The following ATP9B variants were observed in gnomAD, a reference collection of about 807,000 sequenced individuals.
ATP9B encodes the protein probable phospholipid-transporting ATPase IIB.
ATP9B carries 110 observed loss-of-function variants against 146.1 expected under a neutral mutation model. The ratio of observed to expected loss-of-function variants is 0.75; its 90% CI spans 0.65 to 0.88. The LOEUF (loss-of-function observed/expected upper bound fraction) is 0.88, where lower values mean the gene tolerates loss of function less well. Among genes scored for constraint, ATP9B ranks in the 40% least tolerant of loss-of-function variants. ATP9B has a pLI of 0.00. For synonymous variants in ATP9B, 604 were observed against 569.7 expected (o/e 1.06, Z -0.86); for missense variants, 1,499 against 1,496.4 (o/e 1.00, Z -0.03).
chr18:79,277,741 G>C (rs1477995608), intron 13 of ATP9B, among the ~76,000 whole-genome samples: 1 of 152,006 alleles, frequency 6.6e-6, no homozygotes, highest in African/African-American at 2.4e-5. Flanking sequence ...ATCCGTAACA[G>C]ATTAAAGACA....
intron 7 of ATP9B, chr18:79,174,344 A>T (rs1262904190): frequency 1.1e-5 from 2 of 179,928 alleles, no homozygotes; most frequent in Non-Finnish European, 2.4e-5. Flanking sequence ...AATCCTGTGT[A>T]TAATTTGATT....
intron 11 of ATP9B, among the ~76,000 whole-genome samples, chr18:79,224,639 C>T (rs553150899): frequency 1.3e-5 from 2 of 152,340 alleles, no homozygotes; most frequent in East Asian, 3.9e-4. Flanking sequence ...ACCTTCAAGC[C>T]AGCAGCCAGC....
At chr18:79,359,141 C>T (rs534304781) in intron 25 of ATP9B, among the ~76,000 whole-genome samples, 3 of 152,184 alleles carry the variant, frequency 2.0e-5, no homozygotes, top group African/African-American at 4.8e-5. Flanking sequence ...TTCTTCTACC[C>T]GTAAGCATTT....
At chr18:79,327,729 C>T (rs1257167226) in intron 15 of ATP9B, among the ~76,000 whole-genome samples, 17 of 120,692 alleles carry the variant, frequency 1.4e-4, no homozygotes, top group South Asian at 6.1e-4. Context: ...GCGTGCTCGC[C>T]GTGGTTAGCG....
At chr18:79,295,434 C>G (rs187087664) in intron 13 of ATP9B, among the ~76,000 whole-genome samples, 7 of 152,138 alleles carry the variant, frequency 4.6e-5, no homozygotes, top group Non-Finnish European at 8.8e-5. Flanking sequence ...CAATTTTTCT[C>G]ATTGCTTTTT....
chr18:79,371,623 G>A (rs942276307), intron 26 of ATP9B, among the ~76,000 whole-genome samples: 7 of 152,204 alleles, frequency 4.6e-5, no homozygotes, highest in Admixed American at 2.6e-4. Flanking sequence ...CATTTCCAGC[G>A]TCCGTGCCTC....
chr18:79,190,825 C>G (rs2095359014), intron 8 of ATP9B, among the ~76,000 whole-genome samples: 1 of 152,162 alleles, frequency 6.6e-6, no homozygotes, highest in Admixed American at 6.5e-5. Context: ...GGATTACAGG[C>G]ATGAGCCACC....
chr18:79,220,874 C>T (rs1041820173), intron 11 of ATP9B, among the ~76,000 whole-genome samples: 17 of 152,168 alleles, frequency 1.1e-4, no homozygotes, highest in African/African-American at 4.1e-4. Flanking sequence ...ATGTCACGCC[C>T]TCTTGCTGGG....
rs746205390 is a variant in ATP9B at position 79,373,987 on chromosome 18, G to A, written c.3160G>A (p.Glu1054Lys). The A allele has an allele frequency of 5.6e-6, 9 of 1,614,016 alleles. No individual in the cohort carries two copies. Among genetic ancestry groups the A allele is most frequent in the African/African-American group, 2.7e-5 (2 of 74,922 alleles). ...CTCCTTCACCGCACTGATCCTGACC[G>A]AGCTGCTGATGGTGGCGCTGACCGT... ...AISFTALILT[E>K]LLMVALTVRT... is the part of the protein sequence containing the mutation. The change falls in exon 28 of 30, where the codon GAG becomes AAG. Residue 1054 changes from glutamate to lysine, a missense_variant. By Grantham distance (56) the Glu-to-Lys change is moderately conservative. Coordinates refer to ENST00000426216, the MANE Select transcript of ATP9B (RefSeq NM_198531.5).
chr18:79,326,575 G>C (rs1362714640), intron 15 of ATP9B, among the ~76,000 whole-genome samples: 1 of 151,062 alleles, frequency 6.6e-6, no homozygotes, highest in South Asian at 2.1e-4. Context: ...TGTCATCTCT[G>C]TACCCTCCCT....
At chr18:79,101,982 G>A (rs987205853) in intron 2 of ATP9B, among the ~76,000 whole-genome samples, 2 of 151,506 alleles carry the variant, frequency 1.3e-5, no homozygotes, top group African/African-American at 2.4e-5. Context: ...GTCTCGCTCT[G>A]TCACCCAGGC....
chr18:79,344,170 C>A (rs191897583), intron 20 of ATP9B, 95 bp from the exon 21 acceptor site: 13 of 1,153,644 alleles, frequency 1.1e-5, no homozygotes, highest in Non-Finnish European at 1.5e-5. Flanking sequence ...AACCCCAGAA[C>A]ATTCCACTGT....
chr18:79,242,659 G>A (rs892419142), intron 11 of ATP9B, among the ~76,000 whole-genome samples: 7 of 152,172 alleles, frequency 4.6e-5, no homozygotes, highest in South Asian at 2.1e-4. Context: ...GTGATACCAC[G>A]CCATGCATTT....
At chr18:79,253,309 C>T in intron 11 of ATP9B, 72 bp from the exon 12 acceptor site, 3 of 1,347,894 alleles carry the variant, frequency 2.2e-6, no homozygotes, top group Non-Finnish European at 3.0e-6. Context: ...GTCATCACTA[C>T]CATGCATTCT....
chr18:79,135,635 G>C (rs888553694), intron 5 of ATP9B, among the ~76,000 whole-genome samples: 4 of 152,054 alleles, frequency 2.6e-5, no homozygotes, highest in African/African-American at 9.7e-5. Context: ...TAGCCCCTTC[G>C]ATCTTCTATT....
At chr18:79,185,011 A>G (rs1317211903) in intron 8 of ATP9B, among the ~76,000 whole-genome samples, 1 of 151,984 alleles carries the variant, frequency 6.6e-6, no homozygotes, top group Non-Finnish European at 1.5e-5. Flanking sequence ...AATCCAGCCA[A>G]GCAAGGATGT....
intron 12 of ATP9B, among the ~76,000 whole-genome samples, chr18:79,258,202 G>A (rs1208642458): frequency 6.6e-6 from 1 of 152,218 alleles, no homozygotes; most frequent in African/African-American, 2.4e-5. Context: ...AGGGCAGGCT[G>A]ATAGCTTGAG....
Position 79,192,584 on chromosome 18 carries a change from T to C in ATP9B, c.874-599T>C, listed in dbSNP as rs115372079. Among the ~76,000 whole-genome samples the C allele has an allele frequency of 5.4e-3, 830 of 152,306 alleles. 5 individuals carry two copies. The highest frequency in any genetic ancestry group is 0.019 in the African/African-American group (804 of 41,552). On this transcript the variant is annotated intron_variant, in intron 8 of 29. Coordinates refer to ENST00000426216, the MANE Select transcript of ATP9B (RefSeq NM_198531.5). ...TGAAGCAACCTAAACCCTATGTCTT[T>C]TCTGCTCTAAAATTAATGGTATGAA... is the stretch of plus-strand genomic sequence containing the variant.
chr18:79,178,907 T>A (rs1265688924), intron 8 of ATP9B, among the ~76,000 whole-genome samples: 1 of 152,226 alleles, frequency 6.6e-6, no homozygotes, highest in African/African-American at 2.4e-5. Context: ...CCTCCTGTAA[T>A]TTTTAAAATA....
Sources: gnomAD v4.1 joint callset for allele counts (sites outside exome capture counted in the v4.1 genomes callset) on GRCh38, gnomAD v4.1.1 for gene constraint, MANE v1.5 for transcripts, NCBI Gene and HGNC (gene_info 2026-07-23, HGNC 2026-07-21) for gene names.